The following MTUS2 variants were observed in gnomAD, a reference collection of about 807,000 sequenced individuals.
MTUS2 encodes the protein microtubule associated scaffold protein 2.
In MTUS2, 40 loss-of-function variants were observed where a neutral mutation model predicts 114.1. The ratio of observed to expected loss-of-function variants is 0.35; its 90% CI spans 0.27 to 0.46. The LOEUF is 0.46. Among genes scored for constraint, MTUS2 ranks in the 20% least tolerant of loss-of-function variants. MTUS2 has a pLI of 1.00. For missense variants in MTUS2, 1,679 were observed against 1,705.4 expected (o/e 0.98, Z 0.27); for synonymous variants, 688 against 672.0 (o/e 1.02, Z -0.37).
chr13:29,004,562 T>C (rs1385688744), intron 2 of MTUS2, among the ~76,000 whole-genome samples: 1 of 152,246 alleles, frequency 6.6e-6, no homozygotes, highest in Non-Finnish European at 1.5e-5. Flanking sequence ...CATGGATCTT[T>C]TGTGTAATGA....
chr13:29,045,936 C>T (rs1455241518), intron 4 of MTUS2, among the ~76,000 whole-genome samples: 1 of 152,068 alleles, frequency 6.6e-6, no homozygotes, highest in Non-Finnish European at 1.5e-5. Context: ...GCAAACATCC[C>T]CTGACACATT....
At chr13:29,005,998 G>C (rs1468372304) in intron 2 of MTUS2, among the ~76,000 whole-genome samples, 2 of 152,236 alleles carry the variant, frequency 1.3e-5, no homozygotes, top group African/African-American at 4.8e-5. Context: ...TAAAGATGCA[G>C]TTCTGACTCA....
chr13:29,010,938 G>A (rs933923043), intron 2 of MTUS2, among the ~76,000 whole-genome samples: 5 of 152,220 alleles, frequency 3.3e-5, no homozygotes, highest in East Asian at 1.9e-4. Context: ...GGTGCCCCTG[G>A]AGTCAGGAGC....
chr13:29,068,508 A>G (rs78289217), intron 4 of MTUS2, among the ~76,000 whole-genome samples: 1,813 of 152,294 alleles, frequency 0.012, 19 homozygotes, highest in East Asian at 0.056. Flanking sequence ...TGCATCAGAT[A>G]TCCTCAGGCA....
chr13:28,997,059 G>A (rs1294858073), intron 2 of MTUS2, among the ~76,000 whole-genome samples: 1 of 152,196 alleles, frequency 6.6e-6, no homozygotes, highest in Non-Finnish European at 1.5e-5. Context: ...TCCACACACT[G>A]CTTTGAATGT....
chr13:29,394,656 C>A (rs1873762963), intron 8 of MTUS2, among the ~76,000 whole-genome samples: 1 of 152,234 alleles, frequency 6.6e-6, no homozygotes, highest in African/African-American at 2.4e-5. Context: ...CCCCAACCCC[C>A]TGGCCACGAA....
chr13:29,361,365 C>T (rs941995316), intron 8 of MTUS2, among the ~76,000 whole-genome samples: 6 of 152,222 alleles, frequency 3.9e-5, no homozygotes, highest in Non-Finnish European at 8.8e-5. Context: ...TGGCATTTCA[C>T]CTCCCACACA....
At chr13:29,021,740 C>T (rs1314621476) in intron 2 of MTUS2, among the ~76,000 whole-genome samples, 1 of 152,218 alleles carries the variant, frequency 6.6e-6, no homozygotes, top group Non-Finnish European at 1.5e-5. Flanking sequence ...GATTTGCCTA[C>T]ATGCTTTTTG....
intron 5 of MTUS2, among the ~76,000 whole-genome samples, chr13:29,144,746 T>A (rs1892362273): frequency 6.6e-6 from 1 of 152,226 alleles, no homozygotes; most frequent in African/African-American, 2.4e-5. Context: ...GAGATTTATA[T>A]CAAATAACCT....
chr13:28,835,699 C>T (rs1194212463), intron 1 of MTUS2, among the ~76,000 whole-genome samples: 1 of 152,198 alleles, frequency 6.6e-6, no homozygotes, highest in Non-Finnish European at 1.5e-5. Context: ...TGTTTATCTT[C>T]ATTTCTGAGA....
intron 5 of MTUS2, among the ~76,000 whole-genome samples, chr13:29,249,791 A>G (rs554730196): frequency 3.9e-5 from 6 of 152,244 alleles, no homozygotes; most frequent in Admixed American, 2.6e-4. Context: ...TTCCTATTTA[A>G]TAAATGGTTC....
chr13:28,859,877 C>T (rs758168067), intron 2 of MTUS2, among the ~76,000 whole-genome samples: 3 of 151,606 alleles, frequency 2.0e-5, no homozygotes, highest in Non-Finnish European at 4.4e-5. Context: ...TGAGGCCTGA[C>T]GAGAGAGAGA....
chr13:29,118,300 G>T (rs1039084309), intron 5 of MTUS2, among the ~76,000 whole-genome samples: 3 of 151,816 alleles, frequency 2.0e-5, no homozygotes, highest in African/African-American at 7.3e-5. Context: ...GGAGATGGAT[G>T]CCAGGAGAGG....
At chr13:29,260,637 A>G (rs1897436470) in intron 5 of MTUS2, among the ~76,000 whole-genome samples, 2 of 152,248 alleles carry the variant, frequency 1.3e-5, no homozygotes, top group African/African-American at 2.4e-5. Context: ...GAACAACAAA[A>G]TGAGTGAATG....
At chr13:29,420,462 G>A (rs933718829) in intron 8 of MTUS2, among the ~76,000 whole-genome samples, 8 of 152,044 alleles carry the variant, frequency 5.3e-5, no homozygotes, top group African/African-American at 1.9e-4. Flanking sequence ...ATTTTTAGTA[G>A]AGAGAGGGTT....
chr13:29,317,440 T>TAACTCATCCAGG (rs1555264427), intron 6 of MTUS2, among the ~76,000 whole-genome samples: 4 of 53,504 alleles, frequency 7.5e-5, no homozygotes, highest in Admixed American at 2.4e-4. Context: ...CTCTTTTTTT[T>TAACTCATCCAGG]TTTTTTTTTG....
chr13:29,287,126 G>A (rs547348377), intron 6 of MTUS2, among the ~76,000 whole-genome samples: 40 of 152,230 alleles, frequency 2.6e-4, no homozygotes, highest in Non-Finnish European at 5.0e-4. Context: ...AGTTGTCCAA[G>A]GTCACACAAT....
At chr13:28,994,886 G>A (rs1885024435) in intron 2 of MTUS2, among the ~76,000 whole-genome samples, 1 of 152,118 alleles carries the variant, frequency 6.6e-6, no homozygotes, top group Non-Finnish European at 1.5e-5. Flanking sequence ...CTTTTGCTGT[G>A]CAGAAGCTCT....
chr13:29,461,977 G>A (rs1231472904), intron 9 of MTUS2, among the ~76,000 whole-genome samples: 1 of 152,220 alleles, frequency 6.6e-6, no homozygotes, highest in Non-Finnish European at 1.5e-5. Flanking sequence ...AAGGAGCCAG[G>A]TGTCTGCTGA....
Sources: gnomAD v4.1 joint callset for allele counts (sites outside exome capture counted in the v4.1 genomes callset) on GRCh38, gnomAD v4.1.1 for gene constraint, MANE v1.5 for transcripts, NCBI Gene and HGNC (gene_info 2026-07-23, HGNC 2026-07-21) for gene names.